The following SEMA3G variants were observed in gnomAD, a reference collection of about 807,000 sequenced individuals.
The protein encoded by SEMA3G is semaphorin 3G.
In SEMA3G, 70 loss-of-function variants were observed where a neutral mutation model predicts 86.2. The ratio of observed to expected loss-of-function variants is 0.81; its 90% CI spans 0.67 to 0.99. The LOEUF (loss-of-function observed/expected upper bound fraction) is 0.99. Among genes scored for constraint, SEMA3G ranks in the 50% least tolerant of loss-of-function variants. The pLI is 0.00. For synonymous variants in SEMA3G, 416 were observed against 441.4 expected, an observed-to-expected ratio of 0.94 and a Z score of 0.72; for missense variants, 1,002 against 1,072.4, an observed-to-expected ratio of 0.93 and a Z score of 0.92.
At position 52,439,673 on chromosome 3, in the gene SEMA3G, T is replaced by C. The variant is rs373183270; in HGVS notation, c.1467+7A>G. The C allele has an allele frequency of 1.2e-5, 20 of 1,612,428 alleles. No homozygotes were observed. The highest frequency in any genetic ancestry group is 1.7e-5 in the Non-Finnish European group (20 of 1,178,686). Reference sequence around the variant, plus strand: ...TGGAGGGACCCTTCCATCAGCCCCTTGCTTACCTTAAACACCTGGAGCTCC... The same window carrying C: ...TGGAGGGACCCTTCCATCAGCCCCTCGCTTACCTTAAACACCTGGAGCTCC... On this transcript the variant is annotated splice_region_variant and intron_variant, in intron 12 of 15. Coordinates refer to ENST00000231721, the MANE Select transcript of SEMA3G (RefSeq NM_020163.3).
At position 52,434,904 on chromosome 3, in the gene SEMA3G, C is replaced by G. The variant is rs1333220025; in HGVS notation, c.*699G>C. On this transcript the variant is annotated 3_prime_UTR_variant, in exon 16 of 16. Coordinates refer to ENST00000231721, the MANE Select transcript of SEMA3G (RefSeq NM_020163.3). This position sits in a 1 kb window ranked among gnomAD's most constrained non-coding sequence, Gnocchi z 5.2. ...AAGTCAGGCTGTGAGATGCCCCCACCTGGTTTACAAAGTGAAGCCTGAGCC... is the reference window on the plus strand; with the variant it reads ...AAGTCAGGCTGTGAGATGCCCCCACGTGGTTTACAAAGTGAAGCCTGAGCC... The G allele has an allele frequency of 6.6e-6, 1 of 152,260 alleles. No individual in the cohort carries two copies. The highest frequency in any genetic ancestry group is 1.5e-5 in the Non-Finnish European group (1 of 68,104). The allele number at this position is 152,260 out of a possible 1,614,324, so 9.4% of individuals were successfully genotyped here.
At chr3:52,436,545 T>C (rs903031320) in intron 15 of SEMA3G, among the ~76,000 whole-genome samples, 1 of 152,322 alleles carries the variant, frequency 6.6e-6, no homozygotes, top group East Asian at 1.9e-4. Flanking sequence ...CACATGCACG[T>C]GCACGCACAC....
intron 1 of SEMA3G, 137 bp from the exon 2 acceptor site, chr3:52,443,044 G>A: frequency 2.6e-6 from 4 of 1,537,004 alleles, no homozygotes; most frequent in Middle Eastern, 1.7e-4. Context: ...TCCACATGGT[G>A]CTGGAAGGCT....
Position 52,441,011 on chromosome 3 carries a change from C to T in SEMA3G, c.851G>A (p.Trp284Ter). Residue 284 changes from tryptophan (W) to a stop codon, truncating the protein, a stop_gained, in exon 8 of 16, where the codon TGG (tryptophan) becomes TAG (stop). Coordinates refer to ENST00000231721, the MANE Select transcript of SEMA3G (RefSeq NM_020163.3). LOFTEE classifies it high-confidence loss of function. ...CAGCCTGGCCTTGAGGAAAGTGCTC[C>T]ATTTGTTCACCAGCACCCGCTGGCC... is the stretch of plus-strand genomic sequence containing the variant. ...AGGQRVLVNK[W>*]STFLKARLVC... 6.2e-7 allele frequency: 1 copy of T among 1,603,878 alleles called. No individual in the cohort carries two copies. Among genetic ancestry groups the T allele is most frequent in the Non-Finnish European group, 8.5e-7 (1 of 1,179,518 alleles).
rs1392512642 is a variant in SEMA3G, at chr3:52,444,836, C to T, written c.115+77G>A. ...CAAACAGGGCACATGCACACAAACA[C>T]GGCACATGCACCCAAACAGAGCGCA... On this transcript the variant is annotated intron_variant, in intron 1 of 15. Coordinates refer to ENST00000231721, the MANE Select transcript of SEMA3G (RefSeq NM_020163.3). The T allele has an allele frequency of 9.1e-6, 10 of 1,099,104 alleles. No individual in the cohort carries two copies. The African/African-American group carries it at 1.1e-4, about 13-fold the overall frequency. The allele number at this position is 1,099,104 out of a possible 1,614,324, so 68.1% of individuals were successfully genotyped here. A position where few individuals can be genotyped will look rare whatever the true frequency, so the allele number is the denominator to read the frequency against.
Position 52,440,799 on chromosome 3 carries a change from T to C in SEMA3G, c.953A>G (p.Lys318Arg). 1.2e-6 allele frequency: 2 copies of C among 1,612,924 alleles called. No individual in the cohort carries two copies. Among genetic ancestry groups the C allele is most frequent in the Non-Finnish European group, 1.7e-6 (2 of 1,180,004 alleles). The change falls in exon 9 of 16, where the codon AAG (lysine) becomes AGG (arginine). Residue 318 changes from lysine to arginine, a missense_variant. Physicochemically the swap from Lys to Arg is conservative, Grantham distance 26 (BLOSUM62 2). Transcript: ENST00000231721. Reference sequence around the variant, plus strand: ...GTACACCTCGAGGCTCTTCCCGGCCTTGGGCCACAGCAGGAACACATCCTC... The same window carrying C: ...GTACACCTCGAGGCTCTTCCCGGCCCTGGGCCACAGCAGGAACACATCCTC... ...QLEDVFLLWP[K>R]AGKSLEVYAL...
Position 52,441,041 on chromosome 3 carries a change from G to C in SEMA3G, c.821C>G (p.Ala274Gly), listed in dbSNP as rs146544722. 2 of 1,594,084 alleles carry C rather than the reference G, an allele frequency of 1.3e-6. No individual in the cohort carries two copies. The highest frequency in any genetic ancestry group is 1.7e-4 in the Middle Eastern group (1 of 6,030). ...GTTCACCAGCACCCGCTGGCCCCCA[G>C]CATCATTCTGCAGGATAAGGGGCCA... ...SRVGRVCVND[A>G]GGQRVLVNKW... is the part of the protein sequence containing the mutation. The change falls in exon 8 of 16, where the codon GCT becomes GGT. Residue 274 changes from alanine to glycine, a missense_variant. Transcript: ENST00000231721.
intron 15 of SEMA3G, among the ~76,000 whole-genome samples, chr3:52,437,100 A>G (rs944537960): frequency 3.9e-5 from 6 of 152,130 alleles, no homozygotes; most frequent in Admixed American, 1.3e-4. Context: ...GGGACCCAGA[A>G]GGTTCTCTTC....
In SEMA3G at chr3:52,438,606, A is replaced by G. The variant is rs150264259; in HGVS notation, c.1509+314T>C. 8.1e-6 allele frequency: 8 copies of G among 985,500 alleles called. No homozygotes were observed. In the East Asian group the frequency reaches 9.1e-4, roughly 112 times the overall value. 61.0% of individuals were successfully genotyped at this position (985,500 alleles called of 1,614,324 possible). On this transcript the variant is annotated intron_variant, in intron 13 of 15. Coordinates refer to ENST00000231721, the MANE Select transcript of SEMA3G (RefSeq NM_020163.3). The stretch of plus-strand genomic sequence containing the variant: ...TAAATATGGGGAGACGGGTTTTGCC[A>G]CTTGGCAAATATAGTAGGCCTCTAA...
rs774156237 is a variant in SEMA3G at position 52,442,860 on chromosome 3, A to C, written c.163T>G (p.Ser55Ala). 1 of 1,609,478 alleles carries C rather than the reference A, an allele frequency of 6.2e-7. No individual in the cohort carries two copies. The highest frequency in any genetic ancestry group is 8.5e-7 in the Non-Finnish European group (1 of 1,177,966). The change falls in exon 2 of 16, where the codon TCC (serine) becomes GCC (alanine). Residue 55 changes from serine to alanine, a missense_variant. Ser to Ala is a moderately conservative substitution (Grantham distance 99). Transcript: ENST00000231721. This position sits in a 1 kb window ranked among gnomAD's most constrained non-coding sequence, Gnocchi z 6.1. ...RSAIFLGPQGSLNLQAMYLDE... is the reference protein window; with the variant it reads ...RSAIFLGPQGALNLQAMYLDE... ...AGGTACATGGCCTGGAGGTTCAGGGAGCCCTGGGGGCCCAGAAAGATGGCA... is the reference window on the plus strand; with the variant it reads ...AGGTACATGGCCTGGAGGTTCAGGGCGCCCTGGGGGCCCAGAAAGATGGCA...
At chr3:52,440,291 C>T (rs1454645675) in intron 10 of SEMA3G, 86 bp downstream of exon 10, 12 of 1,204,904 alleles carry the variant, frequency 1.0e-5, no homozygotes, top group Non-Finnish European at 7.6e-6. Context: ...CGTGGGGGTG[C>T]ATGGGGACAT....
rs1211269415 is a variant in SEMA3G at position 52,437,520 on chromosome 3, C to T, written c.1878+7G>A. 1.1e-5 allele frequency: 18 copies of T among 1,610,104 alleles called. No homozygotes were observed. Among genetic ancestry groups the T allele is most frequent in the Non-Finnish European group, 1.5e-5 (18 of 1,178,192 alleles). ...CAGAGGCTAGAGGCAGGGGTCTCCTCACTCACCTGGTCAGGCCCCTCATCC... is the reference window on the plus strand; with the variant it reads ...CAGAGGCTAGAGGCAGGGGTCTCCTTACTCACCTGGTCAGGCCCCTCATCC... On this transcript the variant is annotated splice_region_variant and intron_variant, in intron 15 of 15. Coordinates refer to ENST00000231721, the MANE Select transcript of SEMA3G (RefSeq NM_020163.3).
Position 52,438,037 on chromosome 3 carries a change from G to A in SEMA3G, c.1672C>T (p.Arg558Trp), listed in dbSNP as rs375332957. ...THYRPSLGKR[R>W]FRRQDIRHGN... The stretch of plus-strand genomic sequence containing the variant: ...TGCCGGATGTCCTGCCGGCGGAACC[G>A]GCGCTTGCCAAGGCTGGGGCGGTAG... The change falls in exon 14 of 16, where the codon CGG becomes TGG. Residue 558 changes from arginine to tryptophan, a missense_variant. Transcript: ENST00000231721. The A allele has an allele frequency of 2.5e-5, 40 of 1,613,152 alleles. No homozygotes were observed. The highest frequency in any genetic ancestry group is 6.7e-5 in the East Asian group (3 of 44,882).
At position 52,442,707 on chromosome 3, in the gene SEMA3G, A is replaced by G. The variant is rs746081983; in HGVS notation, c.276+40T>C. On this transcript the variant is annotated intron_variant, in intron 2 of 15. Transcript: ENST00000231721. The surrounding 1 kb of genome is among the most constrained non-coding windows in gnomAD (Gnocchi z 6.1). ...TCTGGCCTCCCATCTGGAGGTGCCC[A>G]GTTCTCAAACAGACCCTCTTCCCTG... The G allele has an allele frequency of 1.2e-6, 2 of 1,613,728 alleles. No homozygotes were observed. Among genetic ancestry groups the G allele is most frequent in the Middle Eastern group, 3.3e-4 (2 of 6,062 alleles).
intron 15 of SEMA3G, 131 bp downstream of exon 15, chr3:52,437,396 T>C: frequency 3.9e-6 from 4 of 1,034,304 alleles, no homozygotes; most frequent in Non-Finnish European, 4.2e-6. Context: ...AGGAGCCTAA[T>C]ACAAACTTTT....
chr3:52,435,607 G>T lies in SEMA3G; in HGVS notation c.2345C>A (p.Thr782Lys), dbSNP rs200205387. Residue 782 changes from threonine to lysine, a missense_variant, in exon 16 of 16, where the codon ACG becomes AAG. Physicochemically the swap from Thr to Lys is moderately conservative, Grantham distance 78. Transcript: ENST00000231721. ...CCACCCCTCCTCTGCCCCCTTCTACGTGGCCTCCACCTCCCGGGGCGTCCG... is the reference window on the plus strand; with the variant it reads ...CCACCCCTCCTCTGCCCCCTTCTACTTGGCCTCCACCTCCCGGGGCGTCCG... ...HNRTPREVEA[T>K] is the part of the protein sequence containing the mutation. 6.0e-5 allele frequency: 96 copies of T among 1,609,438 alleles called. No individual in the cohort carries two copies. The highest frequency in any genetic ancestry group is 1.7e-4 in the Middle Eastern group (1 of 5,890).
In SEMA3G at chr3:52,442,344, G is replaced by A; in HGVS notation, c.340-40C>T. ...AGGGGGTGGTTGAGGGGTGAGAGGG[G>A]GTGCCCACCATCTCCTTGGGGCCCA... On this transcript the variant is annotated intron_variant, in intron 3 of 15. Coordinates refer to ENST00000231721, the MANE Select transcript of SEMA3G (RefSeq NM_020163.3). The surrounding 1 kb of genome is among the most constrained non-coding windows in gnomAD (Gnocchi z 6.1). The A allele has an allele frequency of 6.4e-7, 1 of 1,574,714 alleles. No homozygotes were observed. The highest frequency in any genetic ancestry group is 8.7e-7 in the Non-Finnish European group (1 of 1,155,606).
chr3:52,436,267 C>T (rs1343178777), intron 15 of SEMA3G, among the ~76,000 whole-genome samples, 194 bp from the exon 16 acceptor site: 1 of 152,246 alleles, frequency 6.6e-6, no homozygotes, highest in Admixed American at 6.5e-5. Flanking sequence ...CAGGTGGGGC[C>T]TCACCTTCCC....
chr3:52,439,015 G>A, intron 12 of SEMA3G, 54 bp from the exon 13 acceptor site: 4 of 1,580,986 alleles, frequency 2.5e-6, no homozygotes, highest in Non-Finnish European at 3.5e-6. Flanking sequence ...ACCTGCCCCT[G>A]CACCCCTGCT....
Sources: gnomAD v4.1 joint callset for allele counts (sites outside exome capture counted in the v4.1 genomes callset) on GRCh38, gnomAD v4.1.1 for gene constraint, Gnocchi (gnomAD v3.1) non-coding constraint, MANE v1.5 for transcripts, NCBI Gene and HGNC (gene_info 2026-07-23, HGNC 2026-07-21) for gene names.